Variants in LRRFIP1 observed in about 807,000 individuals in gnomAD.
The protein encoded by LRRFIP1 is LRR binding FLII interacting protein 1.
LRRFIP1 carries 62 observed loss-of-function variants against 104.4 expected under a neutral mutation model. The ratio of observed to expected loss-of-function variants is 0.59; its 90% CI spans 0.48 to 0.73. The LOEUF is 0.73. Ranked by LOEUF, LRRFIP1 falls within the 30% of genes least tolerant of loss-of-function variation. The pLI is 0.00. For missense variants in LRRFIP1, 796 were observed against 824.5 expected (o/e 0.97, Z 0.42); for synonymous variants, 300 against 299.0 (o/e 1.00, Z -0.03).
intron 1 of LRRFIP1, among the ~76,000 whole-genome samples, chr2:237,639,354 T>A (rs536849464): frequency 6.6e-6 from 1 of 152,206 alleles, no homozygotes; most frequent in Non-Finnish European, 1.5e-5. Context: ...GTGTCTTTAG[T>A]GTCAGCGTCC....
intron 15 of LRRFIP1, among the ~76,000 whole-genome samples, chr2:237,755,556 A>G (rs2059168164): frequency 6.6e-6 from 1 of 152,174 alleles, no homozygotes; most frequent in African/African-American, 2.4e-5. Context: ...ATCCTTGTTG[A>G]TTGCATCAAC....
chr2:237,720,406 C>T (rs1197495862), intron 5 of LRRFIP1, among the ~76,000 whole-genome samples: 1 of 151,972 alleles, frequency 6.6e-6, no homozygotes, highest in Non-Finnish European at 1.5e-5. Context: ...TGCCATGACA[C>T]CCGGCTAATT....
At chr2:237,652,534 T>G (rs1219432467) in intron 1 of LRRFIP1, among the ~76,000 whole-genome samples, 1 of 152,180 alleles carries the variant, frequency 6.6e-6, no homozygotes. Flanking sequence ...GAGAGGAGAT[T>G]CCTCAAAAAA....
At chr2:237,742,265 C>G (rs2057207496) in intron 11 of LRRFIP1, among the ~76,000 whole-genome samples, 1 of 152,154 alleles carries the variant, frequency 6.6e-6, no homozygotes, top group African/African-American at 2.4e-5. Flanking sequence ...CTCTTCCTTC[C>G]CTGAATCGAT....
chr2:237,780,247 T>C lies in LRRFIP1; in HGVS notation c.*715T>C, dbSNP rs2061403274. 6.6e-6 allele frequency: 1 copy of C among 152,242 alleles called. No individual in the cohort carries two copies. The highest frequency in any genetic ancestry group is 2.1e-4 in the South Asian group (1 of 4,838). The allele number at this position is 152,242 out of a possible 1,614,324, so 9.4% of individuals were successfully genotyped here. ...ATTATTTAATCCTTATATTTGGAATTGAAGTCGTTAACTTCTTTTAAAGAA... is the reference window on the plus strand; with the variant it reads ...ATTATTTAATCCTTATATTTGGAATCGAAGTCGTTAACTTCTTTTAAAGAA... On this transcript the variant is annotated 3_prime_UTR_variant, in exon 24 of 24. Coordinates refer to ENST00000308482, the MANE Select transcript of LRRFIP1 (RefSeq NM_001137550.2).
intron 1 of LRRFIP1, among the ~76,000 whole-genome samples, chr2:237,694,139 A>G (rs1367569286): frequency 6.6e-6 from 1 of 152,184 alleles, no homozygotes; most frequent in African/African-American, 2.4e-5. Context: ...TTTGGTCTTC[A>G]CTGATCCCTC....
At chr2:237,758,341 G>A (rs1034549290) in intron 17 of LRRFIP1, among the ~76,000 whole-genome samples, 3 of 152,238 alleles carry the variant, frequency 2.0e-5, no homozygotes, top group Middle Eastern at 3.4e-3. Flanking sequence ...TACAACAGCC[G>A]TCCTGGGAGG....
At position 237,739,270 on chromosome 2, in the gene LRRFIP1, C is replaced by T. The variant is rs1265247966; in HGVS notation, c.594C>T (p.Arg198=). The change falls in exon 11 of 24, where the codon CGC becomes CGT. Residue 198 remains arginine (R), a synonymous_variant. Transcript: ENST00000308482. ...GCGGCCACCTCAACTCCAGCTCCCG[C>T]GCCTCCTCCAGGGCCAGCTCGGCCC... ...EYSGHLNSSS[R]ASSRASSARA... 11 of 1,565,550 alleles carry T rather than the reference C, an allele frequency of 7.0e-6. No individual in the cohort carries two copies. The highest frequency in any genetic ancestry group is 2.7e-5 in the African/African-American group (2 of 73,822).
intron 2 of LRRFIP1, among the ~76,000 whole-genome samples, chr2:237,709,273 GT>G (rs1486648732): frequency 6.6e-6 from 1 of 152,186 alleles, no homozygotes; most frequent in African/African-American, 2.4e-5. Flanking sequence ...TTAACTCACA[GT>G]TATGGTGTGA....
intron 1 of LRRFIP1, among the ~76,000 whole-genome samples, chr2:237,708,289 G>A (rs1271611796): frequency 6.6e-6 from 1 of 152,216 alleles, no homozygotes; most frequent in African/African-American, 2.4e-5. Flanking sequence ...CTGTTGCAAG[G>A]AATACATGGC....
chr2:237,709,307 A>G (rs1020965776), intron 2 of LRRFIP1, among the ~76,000 whole-genome samples: 1 of 152,192 alleles, frequency 6.6e-6, no homozygotes, highest in African/African-American at 2.4e-5. Context: ...CCTCAGAGAC[A>G]TAGAAGCTGA....
Position 237,627,710 on chromosome 2 carries a change from G to A in LRRFIP1, c.66G>A (p.Glu22=). 1 of 1,366,190 alleles carries A rather than the reference G, an allele frequency of 7.3e-7. No individual in the cohort carries two copies. Among genetic ancestry groups the A allele is most frequent in the Non-Finnish European group, 9.5e-7 (1 of 1,048,132 alleles). The allele number at this position is 1,366,190 out of a possible 1,614,324, so 84.6% of individuals were successfully genotyped here. The stretch of plus-strand genomic sequence containing the variant: ...CCAACCGGGAGCGGCTCACGGCGGA[G>A]GACGACGCGCTCAACCAGATCGCGC... ...RLPNRERLTA[E]DDALNQIARE... The change falls in exon 1 of 24, where the codon GAG becomes GAA. Residue 22 remains glutamate (E), a synonymous_variant. Coordinates refer to ENST00000308482, the MANE Select transcript of LRRFIP1 (RefSeq NM_001137550.2).
At chr2:237,771,577 A>C (rs2060651447) in intron 20 of LRRFIP1, among the ~76,000 whole-genome samples, 1 of 57,446 alleles carries the variant, frequency 1.7e-5, no homozygotes, top group African/African-American at 5.6e-5. Context: ...CCCAGATACC[A>C]AGGGACAACT....
At chr2:237,746,245 G>A (rs1479073110) in intron 11 of LRRFIP1, among the ~76,000 whole-genome samples, 1 of 152,026 alleles carries the variant, frequency 6.6e-6, no homozygotes, top group African/African-American at 2.4e-5. Flanking sequence ...TTTTAATAGA[G>A]ACAGGGTTTC....
rs551961950 is a variant in LRRFIP1, at chr2:237,689,884, C to T, written c.97-18660C>T. On this transcript the variant is annotated intron_variant, in intron 1 of 23. Coordinates refer to ENST00000308482, the MANE Select transcript of LRRFIP1 (RefSeq NM_001137550.2). Reference sequence around the variant, plus strand: ...GGCAGCTCACCCTGACTGTGCCCAGCGGGATCCCCGTGTTAGAGCCTTTGG... The same window carrying T: ...GGCAGCTCACCCTGACTGTGCCCAGTGGGATCCCCGTGTTAGAGCCTTTGG... Among the ~76,000 whole-genome samples, 19 of 152,324 alleles carry T rather than the reference C, an allele frequency of 1.2e-4. No homozygotes were observed. In the South Asian group the frequency reaches 3.3e-3, roughly 27 times the overall value.
intron 1 of LRRFIP1, among the ~76,000 whole-genome samples, chr2:237,674,400 G>A (rs1233521606): frequency 6.6e-6 from 1 of 152,178 alleles, no homozygotes; most frequent in Non-Finnish European, 1.5e-5. Context: ...GTGATACACT[G>A]CAAAAGTGAC....
intron 8 of LRRFIP1, among the ~76,000 whole-genome samples, chr2:237,732,368 G>A (rs550246629): frequency 6.6e-6 from 1 of 152,282 alleles, no homozygotes; most frequent in East Asian, 1.9e-4. Context: ...TGCCGGTGGT[G>A]GCCTGGCTCC....
At chr2:237,692,217 C>T (rs994227008) in intron 1 of LRRFIP1, 2 of 1,086,766 alleles carry the variant, frequency 1.8e-6, no homozygotes, top group South Asian at 9.0e-5. Context: ...CCTTCCACCC[C>T]GAGCCCGACT....
In LRRFIP1 at chr2:237,712,802, CTCT is replaced by C. The variant is rs3835813; in HGVS notation, c.184-1452_184-1450del. Among the ~76,000 whole-genome samples, 431 of 152,306 alleles carry C rather than the reference CTCT, an allele frequency of 2.8e-3. 10 individuals carry two copies. The East Asian group carries it at 0.047, about 16-fold the overall frequency. The stretch of plus-strand genomic sequence containing the variant: ...GTGCACTGACGACACCTCCCTCACG[CTCT>C]TCTTTGCATATCACATCTCTGGGCC... On this transcript the variant is annotated intron_variant, in intron 2 of 23. Coordinates refer to ENST00000308482, the MANE Select transcript of LRRFIP1 (RefSeq NM_001137550.2).
Sources: gnomAD v4.1 joint callset for allele counts (sites outside exome capture counted in the v4.1 genomes callset) on GRCh38, gnomAD v4.1.1 for gene constraint, MANE v1.5 for transcripts, NCBI Gene and HGNC (gene_info 2026-07-23, HGNC 2026-07-21) for gene names.